ZNF385D: variants seen among roughly 807,000 people sequenced by gnomAD.
ZNF385D encodes the protein zinc finger protein 659.
ZNF385D carries 15 observed loss-of-function variants against 35.8 expected under a neutral mutation model. That is an observed-to-expected ratio of 0.42 (90% CI 0.28 to 0.64). The LOEUF is 0.64. ZNF385D is among the 30% of genes least tolerant of loss of function. The pLI is 0.23. For missense variants in ZNF385D, 474 were observed against 494.6 expected (o/e 0.96, Z 0.39); for synonymous variants, 212 against 186.8 (o/e 1.13, Z -1.10).
chr3:21,888,662 A>G (rs1313900829), intron 3 of ZNF385D, among the ~76,000 whole-genome samples: 4 of 152,216 alleles, frequency 2.6e-5, no homozygotes, highest in African/African-American at 7.2e-5. Context: ...AAGGAAACAG[A>G]AAAAAGGGAG....
At chr3:21,921,918 C>G (rs187900274) in intron 3 of ZNF385D, among the ~76,000 whole-genome samples, 7 of 150,790 alleles carry the variant, frequency 4.6e-5, no homozygotes, top group African/African-American at 1.7e-4. Context: ...ACAAGACATA[C>G]GAAGAAGAGA....
chr3:21,506,123 G>C (rs908566699), intron 4 of ZNF385D, among the ~76,000 whole-genome samples: 2 of 152,100 alleles, frequency 1.3e-5, no homozygotes, highest in Non-Finnish European at 2.9e-5. Flanking sequence ...TATCTGTTTT[G>C]CTTCTCTAGA....
chr3:21,761,472 C>A (rs1383905460), intron 3 of ZNF385D, among the ~76,000 whole-genome samples: 1 of 152,200 alleles, frequency 6.6e-6, no homozygotes, highest in Non-Finnish European at 1.5e-5. Flanking sequence ...TCAGCTAAGA[C>A]AGATATAGGA....
intron 2 of ZNF385D, among the ~76,000 whole-genome samples, chr3:22,215,380 T>C (rs562683729): frequency 4.6e-5 from 7 of 152,164 alleles, no homozygotes; most frequent in African/African-American, 1.7e-4. Context: ...CTGAATTCTT[T>C]TTCTCAGCAA....
intron 3 of ZNF385D, among the ~76,000 whole-genome samples, chr3:22,029,174 C>T (rs1055440949): frequency 3.3e-5 from 5 of 152,192 alleles, no homozygotes; most frequent in Non-Finnish European, 7.3e-5. Context: ...ACACTTTGTG[C>T]TCCTCCTACC....
intron 4 of ZNF385D, among the ~76,000 whole-genome samples, chr3:21,438,073 A>G (rs551996229): frequency 6.6e-6 from 1 of 152,290 alleles, no homozygotes; most frequent in East Asian, 1.9e-4. Context: ...GGAGAGATCA[A>G]TCTCCAAAGT....
chr3:21,615,575 T>C (rs888184382), intron 2 of ZNF385D, among the ~76,000 whole-genome samples: 1 of 152,314 alleles, frequency 6.6e-6, no homozygotes, highest in African/African-American at 2.4e-5. Flanking sequence ...AACTTCTGTA[T>C]TTTATTCTCA....
chr3:21,488,753 G>A (rs1705208909), intron 4 of ZNF385D, among the ~76,000 whole-genome samples: 1 of 152,054 alleles, frequency 6.6e-6, no homozygotes, highest in Non-Finnish European at 1.5e-5. Context: ...CCACTGGTCA[G>A]TTTGCTACTT....
chr3:21,758,990 A>AAC (rs2070475718), intron 3 of ZNF385D, among the ~76,000 whole-genome samples: 1 of 147,520 alleles, frequency 6.8e-6, no homozygotes, highest in African/African-American at 2.5e-5. Flanking sequence ...AAAAAAAAAA[A>AAC]AAAAAAAAAA....
At chr3:22,371,662 T>C (rs1017735914) in intron 2 of ZNF385D, among the ~76,000 whole-genome samples, 1 of 152,020 alleles carries the variant, frequency 6.6e-6, no homozygotes, top group Non-Finnish European at 1.5e-5. Context: ...CAATAAAACA[T>C]CTCCCAAAAT....
At chr3:22,033,950 C>A (rs1295369357) in intron 3 of ZNF385D, among the ~76,000 whole-genome samples, 1 of 152,170 alleles carries the variant, frequency 6.6e-6, no homozygotes, top group Admixed American at 6.5e-5. Context: ...TGCTGAGCAA[C>A]TACTTTCTCC....
intron 3 of ZNF385D, among the ~76,000 whole-genome samples, chr3:21,558,989 C>CTT (rs55997613): frequency 0.6 from 76,720 of 128,520 alleles, 23,054 homozygotes; most frequent in East Asian, 0.72. Context: ...GCAACCCCTG[C>CTT]TTTTTTTTTT....
At chr3:22,185,074 C>G (rs1377748740) in intron 2 of ZNF385D, among the ~76,000 whole-genome samples, 4 of 152,072 alleles carry the variant, frequency 2.6e-5, no homozygotes, top group African/African-American at 9.7e-5. Context: ...TTGTTATTTA[C>G]TATCAACTTC....
intron 3 of ZNF385D, among the ~76,000 whole-genome samples, chr3:22,089,106 T>C (rs564138809): frequency 6.6e-6 from 1 of 152,222 alleles, no homozygotes; most frequent in Admixed American, 6.5e-5. Context: ...CACATCTAAG[T>C]GTGGCATGAG....
chr3:21,980,691 A>G lies in ZNF385D; in HGVS notation c.325+188126T>C, dbSNP rs147443710. Among the ~76,000 whole-genome samples the G allele has an allele frequency of 8.6e-3, 1,316 of 152,240 alleles. 22 individuals are homozygous for G. The highest frequency in any genetic ancestry group is 0.03 in the African/African-American group (1,252 of 41,548). On this transcript the variant is annotated intron_variant, in intron 3 of 5. Transcript: ENST00000494108. The stretch of plus-strand genomic sequence containing the variant: ...CTATTAAGCCCAGTATCCAATAGTT[A>G]TCTTTGCTGTTCCTATCCCTCCTCT...
At chr3:22,157,940 T>C (rs1705697150) in intron 3 of ZNF385D, among the ~76,000 whole-genome samples, 1 of 152,134 alleles carries the variant, frequency 6.6e-6, no homozygotes, top group South Asian at 2.1e-4. Flanking sequence ...CTAGATGTCC[T>C]TTACAAAAGT....
intron 2 of ZNF385D, among the ~76,000 whole-genome samples, chr3:21,571,779 ATGAT>A (rs1188508623): frequency 3.3e-5 from 5 of 152,164 alleles, no homozygotes; most frequent in Non-Finnish European, 7.3e-5. Context: ...CACTAAACTT[ATGAT>A]TATAATTTTA....
intron 3 of ZNF385D, among the ~76,000 whole-genome samples, chr3:21,795,109 T>G (rs568587806): frequency 1.3e-5 from 2 of 152,336 alleles, no homozygotes; most frequent in East Asian, 1.9e-4. Context: ...AATTAAATGC[T>G]TAAGTTAGAG....
intron 3 of ZNF385D, among the ~76,000 whole-genome samples, chr3:21,938,169 T>G (rs1701350552): frequency 6.6e-6 from 1 of 152,224 alleles, no homozygotes; most frequent in Non-Finnish European, 1.5e-5. Flanking sequence ...TTTGTAAATG[T>G]ACCCATTTTA....
Sources: allele counts gnomAD v4.1 joint callset (sites outside exome capture counted in the v4.1 genomes callset), GRCh38; gene constraint gnomAD v4.1.1; transcripts MANE v1.5; gene names NCBI Gene and HGNC (gene_info 2026-07-23, HGNC 2026-07-21).